TAOK3: variants seen among roughly 807,000 people sequenced by gnomAD.
The protein encoded by TAOK3 is TAO kinase 3, also known as serine/threonine-protein kinase TAO3.
TAOK3 carries 40 observed loss-of-function variants against 120.4 expected under a neutral mutation model. That is an observed-to-expected ratio of 0.33 (90% CI 0.26 to 0.43). TAOK3 has a LOEUF of 0.43. TAOK3 is among the 20% of genes least tolerant of loss of function. The pLI is 1.00. For missense variants in TAOK3, 821 were observed against 1,112.1 expected (o/e 0.74, Z 3.72); for synonymous variants, 355 against 387.5 (o/e 0.92, Z 0.99).
At chr12:118,250,076 G>A (rs1293256862) in intron 3 of TAOK3, among the ~76,000 whole-genome samples, 2 of 151,774 alleles carry the variant, frequency 1.3e-5, no homozygotes, top group Admixed American at 6.6e-5. Flanking sequence ...TTTTCCTTTA[G>A]TACAGTTTCT....
chr12:118,218,948 G>C (rs2039081196), intron 9 of TAOK3, among the ~76,000 whole-genome samples: 1 of 152,088 alleles, frequency 6.6e-6, no homozygotes, highest in Admixed American at 6.6e-5. Context: ...GTGAGACCTT[G>C]TCTCATAAAT....
intron 2 of TAOK3, among the ~76,000 whole-genome samples, chr12:118,264,092 C>T (rs2041344618): frequency 1.3e-5 from 2 of 152,154 alleles, no homozygotes; most frequent in African/African-American, 4.8e-5. Flanking sequence ...TAATGTTAGC[C>T]ATTAGCATAT....
chr12:118,225,817 T>A (rs912675655), intron 9 of TAOK3, among the ~76,000 whole-genome samples: 5 of 152,238 alleles, frequency 3.3e-5, no homozygotes, highest in African/African-American at 1.2e-4. Context: ...ATACATTGAT[T>A]AATCACAATC....
At chr12:118,313,387 C>T (rs1370258863) in intron 1 of TAOK3, among the ~76,000 whole-genome samples, 1 of 152,110 alleles carries the variant, frequency 6.6e-6, no homozygotes. Flanking sequence ...AGTGATTCTC[C>T]TGCCTCAGCC....
chr12:118,169,923 A>G (rs1426663126), intron 17 of TAOK3, among the ~76,000 whole-genome samples: 2 of 151,386 alleles, frequency 1.3e-5, no homozygotes, highest in Non-Finnish European at 2.9e-5. Context: ...GGGTTTCACC[A>G]TGTTAGCCAG....
chr12:118,240,526 A>G (rs1409111530), intron 5 of TAOK3, among the ~76,000 whole-genome samples: 3 of 150,962 alleles, frequency 2.0e-5, no homozygotes, highest in Non-Finnish European at 4.4e-5. Flanking sequence ...TTGTATTTTT[A>G]GTAGGGACGG....
intron 1 of TAOK3, among the ~76,000 whole-genome samples, chr12:118,351,864 C>CTTT (rs34956112): frequency 2.2e-4 from 16 of 71,900 alleles, no homozygotes; most frequent in East Asian, 5.9e-4. Flanking sequence ...ATCTATAGTT[C>CTTT]TTTTTTTTTT....
intron 1 of TAOK3, among the ~76,000 whole-genome samples, chr12:118,333,068 T>C (rs746541581): frequency 9.9e-5 from 15 of 152,042 alleles, no homozygotes; most frequent in Non-Finnish European, 1.9e-4. Flanking sequence ...CTCTCAGCAA[T>C]TGATAGAATT....
At chr12:118,355,998 C>A (rs962798970) in intron 1 of TAOK3, among the ~76,000 whole-genome samples, 7 of 152,294 alleles carry the variant, frequency 4.6e-5, no homozygotes, top group African/African-American at 1.7e-4. Flanking sequence ...CAATCCCAAA[C>A]CTATGTGACA....
chr12:118,352,302 G>A (rs562006715), intron 1 of TAOK3, among the ~76,000 whole-genome samples: 2 of 151,756 alleles, frequency 1.3e-5, no homozygotes, highest in Non-Finnish European at 2.9e-5. Context: ...TCAGGTGTTC[G>A]ACACCAGCCT....
rs1359873487 is a variant in TAOK3 at position 118,238,178 on chromosome 12, G to C, written c.341-9C>G. The C allele has an allele frequency of 6.5e-7, 1 of 1,530,024 alleles. No homozygotes were observed. Among genetic ancestry groups the C allele is most frequent in the Admixed American group, 2.0e-5 (1 of 51,208 alleles). 94.8% of individuals were successfully genotyped at this position (1,530,024 alleles called of 1,614,324 possible). On this transcript the variant is annotated splice_polypyrimidine_tract_variant and intron_variant, in intron 6 of 20. Transcript: ENST00000392533. ...AAGTGGTTTTTTATGAACTGAGGAA[G>C]GAAAAAAAAAAAAGTCAGTAGATGA... is the stretch of plus-strand genomic sequence containing the variant.
intron 1 of TAOK3, among the ~76,000 whole-genome samples, chr12:118,355,963 C>T (rs2045372739): frequency 6.6e-6 from 1 of 152,146 alleles, no homozygotes; most frequent in South Asian, 2.1e-4. Flanking sequence ...CTGCCACACT[C>T]TTATTAAACA....
intron 17 of TAOK3, among the ~76,000 whole-genome samples, chr12:118,162,776 T>C (rs1263766144): frequency 6.6e-6 from 1 of 152,248 alleles, no homozygotes; most frequent in African/African-American, 2.4e-5. Context: ...TGTCTTTCTT[T>C]CTTCCTTTTC....
At chr12:118,300,977 T>C (rs1168521493) in intron 1 of TAOK3, among the ~76,000 whole-genome samples, 1 of 152,148 alleles carries the variant, frequency 6.6e-6, no homozygotes, top group Non-Finnish European at 1.5e-5. Flanking sequence ...GGTTTCACCA[T>C]GTTGGCCAGG....
chr12:118,212,823 G>A, intron 11 of TAOK3, 91 bp downstream of exon 11: 1 of 885,286 alleles, frequency 1.1e-6, no homozygotes, highest in South Asian at 1.7e-5. Context: ...AAACCACTTT[G>A]TCATGATGAG....
intron 2 of TAOK3, among the ~76,000 whole-genome samples, chr12:118,258,527 C>T (rs532572310): frequency 1.3e-5 from 2 of 152,194 alleles, no homozygotes; most frequent in South Asian, 2.1e-4. Flanking sequence ...TTCTGGCCAA[C>T]ATGGTAAAAC....
rs376452288 is a variant in TAOK3, at chr12:118,306,533, T to G, written c.-193-39774A>C. ...AAATTTTTCTTTTTGACTTATATTC[T>G]TCATGATTGTAAATGGATGTGAAAC... On this transcript the variant is annotated intron_variant, in intron 1 of 20. Transcript: ENST00000392533. Among the ~76,000 whole-genome samples, 4 of 152,142 alleles carry G rather than the reference T, an allele frequency of 2.6e-5. No individual in the cohort carries two copies. The South Asian group carries it at 8.3e-4, about 31-fold the overall frequency.
At chr12:118,264,038 C>T (rs1235837849) in intron 2 of TAOK3, among the ~76,000 whole-genome samples, 3 of 152,212 alleles carry the variant, frequency 2.0e-5, no homozygotes, top group Non-Finnish European at 2.9e-5. Flanking sequence ...TGCACTCCAG[C>T]CTGGGCAACA....
rs79367785 is a variant in TAOK3 at position 118,199,484 on chromosome 12, G to A, written c.988-227C>T. 3.2e-3 allele frequency: 1,816 copies of A among 562,310 alleles called. 18 individuals are homozygous for A. Among genetic ancestry groups the A allele is most frequent in the African/African-American group, 0.029 (1,554 of 53,108 alleles). 34.8% of individuals were successfully genotyped at this position (562,310 alleles called of 1,614,324 possible). On this transcript the variant is annotated intron_variant, in intron 12 of 20. Coordinates refer to ENST00000392533, the MANE Select transcript of TAOK3 (RefSeq NM_016281.4). The stretch of plus-strand genomic sequence containing the variant: ...GGGCCATTCTGGACGTGGGTCATAA[G>A]GCTCCAAATGCTGCCATCCCAGGGC...
Sources: gnomAD v4.1 joint callset for allele counts (sites outside exome capture counted in the v4.1 genomes callset) on GRCh38, gnomAD v4.1.1 for gene constraint, MANE v1.5 for transcripts, NCBI Gene and HGNC (gene_info 2026-07-23, HGNC 2026-07-21) for gene names.